The following VMO1 variants were observed in gnomAD, a reference collection of about 807,000 sequenced individuals.
VMO1 encodes vitelline membrane outer layer 1 homolog, also known as vitelline membrane outer layer protein 1 homolog.
VMO1 carries 13 observed loss-of-function variants against 10.1 expected under a neutral mutation model. The ratio of observed to expected loss-of-function variants is 1.29; its 90% CI spans 0.84 to 2.05. The LOEUF is 2.05. Among genes scored for constraint, VMO1 ranks in the 30% most tolerant of loss-of-function variants. The pLI, the probability that VMO1 is intolerant of heterozygous loss-of-function variation, is 0.00. For missense variants in VMO1, 304 were observed against 276.9 expected (o/e 1.10, Z -0.70); for synonymous variants, 117 against 122.2 (o/e 0.96, Z 0.28).
rs1424189810 is a variant in VMO1, at chr17:4,786,031, G to A, written c.217C>T (p.Pro73Ser). The change falls in exon 2 of 3, where the codon CCT (proline) becomes TCT (serine). Residue 73 changes from proline to serine, a missense_variant. Pro to Ser is a moderately conservative substitution (Grantham distance 74). Coordinates refer to ENST00000328739, the MANE Select transcript of VMO1 (RefSeq NM_182566.3). Reference protein sequence around the residue: ...SLKVEPPQGIPGDDTALNGIR... With the variant: ...SLKVEPPQGISGDDTALNGIR... The stretch of plus-strand genomic sequence containing the variant: ...CCATTCAGTGCAGTGTCGTCGCCAG[G>A]AATGCCTTGGGGAGGCTCCACCTGG... 6.2e-7 allele frequency: 1 copy of A among 1,614,100 alleles called. No individual in the cohort carries two copies. Among genetic ancestry groups the A allele is most frequent in the East Asian group, 2.2e-5 (1 of 44,888 alleles).
rs1917428758 is a variant in VMO1 at position 4,785,302 on chromosome 17, T to C, written c.*60A>G. The C allele has an allele frequency of 6.5e-7, 1 of 1,529,796 alleles. No homozygotes were observed. Among genetic ancestry groups the C allele is most frequent in the Non-Finnish European group, 8.7e-7 (1 of 1,144,710 alleles). The allele number at this position is 1,529,796 out of a possible 1,614,324, so 94.8% of individuals were successfully genotyped here. A position where few individuals can be genotyped will look rare whatever the true frequency, so the allele number is the denominator to read the frequency against. ...GACCAAAGTCAACTCAGAGAAGCTT[T>C]AATAGCAAGAGGTGGGACTAGCCTC... On this transcript the variant is annotated 3_prime_UTR_variant, in exon 3 of 3. Coordinates refer to ENST00000328739, the MANE Select transcript of VMO1 (RefSeq NM_182566.3).
At position 4,785,672 on chromosome 17, in the gene VMO1, G is replaced by A; in HGVS notation, c.312-13C>T. ...CCATTCGCCCCAGCTGCAAGGCAAA[G>A]GGAGATGCGTTGCCTCTGCGGGCCC... On this transcript the variant is annotated splice_polypyrimidine_tract_variant and intron_variant, in intron 2 of 2. Transcript: ENST00000328739. The A allele has an allele frequency of 6.2e-7, 1 of 1,603,240 alleles. No homozygotes were observed. Among genetic ancestry groups the A allele is most frequent in the Non-Finnish European group, 8.5e-7 (1 of 1,176,374 alleles).
rs1247541839 is a variant in VMO1 at position 4,785,330 on chromosome 17, G to A, written c.*32C>T. On this transcript the variant is annotated 3_prime_UTR_variant, in exon 3 of 3. Transcript: ENST00000328739. ...TAGCAAGAGGTGGGACTAGCCTCCT[G>A]GCCCGGGAGAGAGCGGCGGCGGCGG... 1.9e-6 allele frequency: 3 copies of A among 1,585,364 alleles called. No individual in the cohort carries two copies. The African/African-American group carries it at 4.0e-5, about 21-fold the overall frequency.
Position 4,785,411 on chromosome 17 carries a change from C to T in VMO1, c.560G>A (p.Gly187Asp), listed in dbSNP as rs758498457. 1.2e-6 allele frequency: 2 copies of T among 1,614,022 alleles called. No homozygotes were observed. The highest frequency in any genetic ancestry group is 2.7e-5 in the African/African-American group (2 of 74,948). Residue 187 changes from glycine to aspartate, a missense_variant, in exon 3 of 3, where the codon GGC becomes GAC. By Grantham distance (94) the Gly-to-Asp change is moderately conservative. Transcript: ENST00000328739. ...CGCGTCGTTCAGCGCAGTGTCATCG[C>T]CGAGGCCTCTAGGTCCCTGGATCTT... ...QTKIQGPRGL[G>D]DDTALNDARL...
Position 4,785,612 on chromosome 17 carries a change from A to G in VMO1, c.359T>C (p.Leu120Pro). 1 of 1,613,026 alleles carries G rather than the reference A, an allele frequency of 6.2e-7. No homozygotes were observed. Among genetic ancestry groups the G allele is most frequent in the Non-Finnish European group, 8.5e-7 (1 of 1,179,998 alleles). Residue 120 changes from leucine (L) to proline (P), a missense_variant, in exon 3 of 3, where the codon CTA (leucine) becomes CCA (proline). Coordinates refer to ENST00000328739, the MANE Select transcript of VMO1 (RefSeq NM_182566.3). ...EPLWCRGGAY[L>P]VAFSLRVEAP... The stretch of plus-strand genomic sequence containing the variant: ...CTCCACGCGAAGCGAGAAAGCCACT[A>G]GGTAGGCGCCGCCGCGACACCACAG...
chr17:4,785,544 G>T lies in VMO1; in HGVS notation c.427C>A (p.Arg143Ser). 2 of 1,614,178 alleles carry T rather than the reference G, an allele frequency of 1.2e-6. No individual in the cohort carries two copies. Among genetic ancestry groups the T allele is most frequent in the Non-Finnish European group, 8.5e-7 (1 of 1,180,042 alleles). Reference protein sequence around the residue: ...LGDNTAANNVRFRCSDGEELQ... With the variant: ...LGDNTAANNVSFRCSDGEELQ... ...TCCTCGCCGTCTGAACAGCGGAAGC[G>T]CACGTTGTTCGCTGCTGTGTTGTCA... Residue 143 changes from arginine to serine, a missense_variant, in exon 3 of 3, where the codon CGC becomes AGC. Coordinates refer to ENST00000328739, the MANE Select transcript of VMO1 (RefSeq NM_182566.3).
rs377200420 is a variant in VMO1, at chr17:4,785,418, C to T, written c.553G>A (p.Gly185Ser). The T allele has an allele frequency of 6.8e-6, 11 of 1,614,082 alleles. No homozygotes were observed. The African/African-American group carries it at 1.3e-4, about 20-fold the overall frequency. The change falls in exon 3 of 3, where the codon GGC becomes AGC. Residue 185 changes from glycine (G) to serine (S), a missense_variant. By Grantham distance (56) the Gly-to-Ser change is moderately conservative. Transcript: ENST00000328739. ...GLQTKIQGPR[G>S]LGDDTALNDA... Reference sequence around the variant, plus strand: ...TTCAGCGCAGTGTCATCGCCGAGGCCTCTAGGTCCCTGGATCTTGGTCTGC... The same window carrying T: ...TTCAGCGCAGTGTCATCGCCGAGGCTTCTAGGTCCCTGGATCTTGGTCTGC...
chr17:4,785,848 G>C (rs1253233754), intron 2 of VMO1, 89 bp downstream of exon 2: 2 of 1,582,050 alleles, frequency 1.3e-6, no homozygotes, highest in Middle Eastern at 1.7e-4. Flanking sequence ...TAGCTCTGGC[G>C]GAGCCAGCCT....
Position 4,785,606 on chromosome 17 carries a change from G to A in VMO1, c.365C>T (p.Ala122Val). 6.2e-7 allele frequency: 1 copy of A among 1,613,266 alleles called. No individual in the cohort carries two copies. Among genetic ancestry groups the A allele is most frequent in the Non-Finnish European group, 8.5e-7 (1 of 1,180,018 alleles). ...LWCRGGAYLV[A>V]FSLRVEAPTT... ...GGGTGCCTCCACGCGAAGCGAGAAA[G>A]CCACTAGGTAGGCGCCGCCGCGACA... The change falls in exon 3 of 3, where the codon GCT (alanine) becomes GTT (valine). Residue 122 changes from alanine to valine, a missense_variant. Transcript: ENST00000328739.
In VMO1 at chr17:4,786,026, G is replaced by A; in HGVS notation, c.222C>T (p.Gly74=). The A allele has an allele frequency of 2.5e-6, 4 of 1,614,162 alleles. No homozygotes were observed. The highest frequency in any genetic ancestry group is 3.4e-6 in the Non-Finnish European group (4 of 1,180,020). The change falls in exon 2 of 3, where the codon GGC becomes GGT. Residue 74 remains glycine, a synonymous_variant. Coordinates refer to ENST00000328739, the MANE Select transcript of VMO1 (RefSeq NM_182566.3). ...LKVEPPQGIP[G]DDTALNGIRL... ...TGATCCCATTCAGTGCAGTGTCGTC[G>A]CCAGGAATGCCTTGGGGAGGCTCCA... is the stretch of plus-strand genomic sequence containing the variant.
chr17:4,785,297 A>T lies in VMO1; in HGVS notation c.*65T>A. The T allele has an allele frequency of 6.6e-7, 1 of 1,519,440 alleles. No homozygotes were observed. 94.1% of individuals were successfully genotyped at this position (1,519,440 alleles called of 1,614,324 possible). A position where few individuals can be genotyped will look rare whatever the true frequency, so the allele number is the denominator to read the frequency against. On this transcript the variant is annotated 3_prime_UTR_variant, in exon 3 of 3. Transcript: ENST00000328739. ...GGCGAGACCAAAGTCAACTCAGAGAAGCTTTAATAGCAAGAGGTGGGACTA... is the reference window on the plus strand; with the variant it reads ...GGCGAGACCAAAGTCAACTCAGAGATGCTTTAATAGCAAGAGGTGGGACTA...
In VMO1 at chr17:4,786,330, T is replaced by A. The variant is rs1391939707; in HGVS notation, c.23A>T (p.Lys8Met). Residue 8 changes from lysine to methionine, a missense_variant, in exon 1 of 3, where the codon AAG (lysine) becomes ATG (methionine). Physicochemically the swap from Lys to Met is moderately conservative, Grantham distance 95 (BLOSUM62 -1). Transcript: ENST00000328739. Reference sequence around the variant, plus strand: ...CAGAAGCAGCAGCAGCGGCAGCAGCTTGGCTCCTGCGCCCCGCTCCATCCT... The same window carrying A: ...CAGAAGCAGCAGCAGCGGCAGCAGCATGGCTCCTGCGCCCCGCTCCATCCT... MERGAGA[K>M]LLPLLLLLRA... 3 of 1,587,214 alleles carry A rather than the reference T, an allele frequency of 1.9e-6. No homozygotes were observed. In the South Asian group the frequency reaches 3.4e-5, roughly 18 times the overall value.
In VMO1 at chr17:4,786,248, G is replaced by T; in HGVS notation, c.105C>A (p.Val35=). The change falls in exon 1 of 3, where the codon GTC becomes GTA. Residue 35 remains valine (V), a synonymous_variant. Coordinates refer to ENST00000328739, the MANE Select transcript of VMO1 (RefSeq NM_182566.3). ...QTDGRNGYTA[V]IEVTSGGPWG... is the part of the protein sequence containing the mutation. Reference sequence around the variant, plus strand: ...AGGGACCCCCGCTGGTCACTTCGATGACCGCCGTGTAGCCGTTCCGGCCAT... The same window carrying T: ...AGGGACCCCCGCTGGTCACTTCGATTACCGCCGTGTAGCCGTTCCGGCCAT... 6.2e-7 allele frequency: 1 copy of T among 1,612,300 alleles called. No individual in the cohort carries two copies.
At position 4,785,397 on chromosome 17, in the gene VMO1, G is replaced by A. The variant is rs1917438169; in HGVS notation, c.574C>T (p.Leu192=). 1 of 1,613,668 alleles carries A rather than the reference G, an allele frequency of 6.2e-7. No homozygotes were observed. Among genetic ancestry groups the A allele is most frequent in the Admixed American group, 1.7e-5 (1 of 59,976 alleles). ...CAGCAGAATAAGCGCGCGTCGTTCAGCGCAGTGTCATCGCCGAGGCCTCTA... is the reference window on the plus strand; with the variant it reads ...CAGCAGAATAAGCGCGCGTCGTTCAACGCAGTGTCATCGCCGAGGCCTCTA... ...GPRGLGDDTA[L]NDARLFCCRS is the part of the protein sequence containing the mutation. Residue 192 remains leucine, a synonymous_variant, in exon 3 of 3, where the codon CTG becomes TTG. Transcript: ENST00000328739.
In VMO1 at chr17:4,785,671, AG is replaced by A; in HGVS notation, c.312-13del. ...TCCATTCGCCCCAGCTGCAAGGCAA[AG>A]GGAGATGCGTTGCCTCTGCGGGCCC... is the stretch of plus-strand genomic sequence containing the variant. On this transcript the variant is annotated splice_polypyrimidine_tract_variant and intron_variant, in intron 2 of 2. Transcript: ENST00000328739. 1.2e-6 allele frequency: 2 copies of A among 1,603,984 alleles called. No homozygotes were observed. The highest frequency in any genetic ancestry group is 2.2e-5 in the South Asian group (2 of 90,386).
At position 4,785,342 on chromosome 17, in the gene VMO1, A is replaced by AGCG. The variant is rs759946710; in HGVS notation, c.*17_*19dup. ...GGACTAGCCTCCTGGCCCGGGAGAG[A>AGCG]GCGGCGGCGGCGGCGCCGTTCAACT... On this transcript the variant is annotated 3_prime_UTR_variant, in exon 3 of 3. Transcript: ENST00000328739. The AGCG allele has an allele frequency of 7.5e-6, 12 of 1,592,024 alleles. No individual in the cohort carries two copies. The highest frequency in any genetic ancestry group is 2.2e-5 in the East Asian group (1 of 44,552).
chr17:4,786,185 T>C lies in VMO1; in HGVS notation c.168A>G (p.Gly56=). 6.2e-7 allele frequency: 1 copy of C among 1,603,114 alleles called. No individual in the cohort carries two copies. The highest frequency in any genetic ancestry group is 8.5e-7 in the Non-Finnish European group (1 of 1,172,326). The change falls in exon 1 of 3, where the codon GGA becomes GGG. Residue 56 remains glycine (G), a synonymous_variant. Coordinates refer to ENST00000328739, the MANE Select transcript of VMO1 (RefSeq NM_182566.3). The stretch of plus-strand genomic sequence containing the variant: ...TGAGCGAGAACCCGCTGGCGAAGAA[T>C]CCATCGGGACACATCTCAGGCCAGG... ...DWAWPEMCPD[G]FFASGFSLKV...
intron 2 of VMO1, 108 bp downstream of exon 2, chr17:4,785,829 A>C: frequency 1.9e-6 from 3 of 1,564,068 alleles, no homozygotes; most frequent in Non-Finnish European, 2.6e-6. Context: ...CCCGGTCTAT[A>C]CTGCCCCGTA....
chr17:4,785,375 C>T lies in VMO1; in HGVS notation c.596G>A (p.Cys199Tyr). Residue 199 changes from cysteine (C) to tyrosine (Y), a missense_variant, in exon 3 of 3, where the codon TGC (cysteine) becomes TAC (tyrosine). Transcript: ENST00000328739. Reference protein sequence around the residue: ...DTALNDARLFCCRS With the variant: ...DTALNDARLFYCRS Reference sequence around the variant, plus strand: ...CGGCGGCGCCGTTCAACTGCGGCAGCAGAATAAGCGCGCGTCGTTCAGCGC... The same window carrying T: ...CGGCGGCGCCGTTCAACTGCGGCAGTAGAATAAGCGCGCGTCGTTCAGCGC... 2 of 1,603,592 alleles carry T rather than the reference C, an allele frequency of 1.2e-6. No homozygotes were observed. The highest frequency in any genetic ancestry group is 8.5e-7 in the Non-Finnish European group (1 of 1,173,020).
Sources: allele counts gnomAD v4.1 joint callset, GRCh38; gene constraint gnomAD v4.1.1; transcripts MANE v1.5; gene names NCBI Gene and HGNC (gene_info 2026-07-23, HGNC 2026-07-21).